The following TMEM128 variants were observed in gnomAD, a reference collection of about 807,000 sequenced individuals.
TMEM128 encodes transmembrane protein 128.
TMEM128 carries 16 observed loss-of-function variants against 19.7 expected under a neutral mutation model. The observed-to-expected ratio is 0.81, with a 90% CI of 0.55 to 1.23. TMEM128 has a LOEUF of 1.23. Ranked by LOEUF, TMEM128 falls within the 50% of genes most tolerant of loss-of-function variation. The pLI, the probability that TMEM128 is intolerant of heterozygous loss-of-function variation, is 0.00. For synonymous variants in TMEM128, 98 were observed against 75.8 expected, an observed-to-expected ratio of 1.29 and a Z score of -1.52; for missense variants, 237 against 200.8, an observed-to-expected ratio of 1.18 and a Z score of -1.09.
At chr4:4,246,112 G>T in intron 2 of TMEM128, 90 bp downstream of exon 2, 1 of 1,360,008 alleles carries the variant, frequency 7.4e-7, no homozygotes, top group Non-Finnish European at 1.0e-6. Context: ...GAGAGTAGTA[G>T]GTGCTTACTG....
At chr4:4,241,730 A>G (rs1238445176) in intron 2 of TMEM128, among the ~76,000 whole-genome samples, 1 of 152,188 alleles carries the variant, frequency 6.6e-6, no homozygotes, top group African/African-American at 2.4e-5. Flanking sequence ...TCTTAACTTG[A>G]GCAAGACTAG....
chr4:4,242,570 G>A (rs550620196), intron 2 of TMEM128, among the ~76,000 whole-genome samples: 33 of 151,872 alleles, frequency 2.2e-4, no homozygotes, highest in African/African-American at 7.7e-4. Context: ...CCAGGCTGGA[G>A]TGCAATGGCA....
At chr4:4,240,289 C>A in intron 3 of TMEM128, 32 bp downstream of exon 3, 1 of 1,605,456 alleles carries the variant, frequency 6.2e-7, no homozygotes, top group South Asian at 1.1e-5. Context: ...ATTTGTTGTT[C>A]ATTCCTGTTA....
chr4:4,248,063 C>G (rs540674629), intron 1 of TMEM128, 43 bp downstream of exon 1: 4 of 1,532,594 alleles, frequency 2.6e-6, no homozygotes, highest in South Asian at 2.4e-5. Flanking sequence ...TTTTCCGACG[C>G]CTCGCCTCTG....
chr4:4,246,447 CT>C lies in TMEM128; in HGVS notation c.98-105del, dbSNP rs369056716. The C allele has an allele frequency of 3.0e-4, 358 of 1,177,570 alleles. 5 individuals carry two copies. The East Asian group carries it at 7.8e-3, about 26-fold the overall frequency. 72.9% of individuals were successfully genotyped at this position (1,177,570 alleles called of 1,614,324 possible). On this transcript the variant is annotated intron_variant, in intron 1 of 4. Transcript: ENST00000382753. ...ATTTCCTAGAGCTAAGAAACAGTCT[CT>C]CCCATGATAACAAATCCTTCTGTAA...
intron 2 of TMEM128, among the ~76,000 whole-genome samples, chr4:4,242,584 T>A (rs1718007005): frequency 6.6e-6 from 1 of 151,952 alleles, no homozygotes; most frequent in Non-Finnish European, 1.5e-5. Flanking sequence ...AATGGCACGA[T>A]CTCGGCTCAC....
intron 3 of TMEM128, among the ~76,000 whole-genome samples, chr4:4,239,635 T>C (rs1281945148): frequency 6.6e-6 from 1 of 152,118 alleles, no homozygotes; most frequent in Admixed American, 6.5e-5. Flanking sequence ...TCCTTCATAG[T>C]AACCCCAAAC....
At chr4:4,247,550 G>C in intron 1 of TMEM128, 1 of 1,613,688 alleles carries the variant, frequency 6.2e-7, no homozygotes, top group Non-Finnish European at 8.5e-7. Flanking sequence ...AATTTCTACT[G>C]AATTCTTCCA....
At chr4:4,246,178 TACA>T in intron 2 of TMEM128, 21 bp downstream of exon 2, 3 of 1,575,364 alleles carry the variant, frequency 1.9e-6, no homozygotes, top group Non-Finnish European at 1.7e-6. Flanking sequence ...GGGTTTAATT[TACA>T]AAGCAATAAA....
At chr4:4,247,856 C>T (rs767459883) in intron 1 of TMEM128, 9 of 1,429,922 alleles carry the variant, frequency 6.3e-6, no homozygotes, top group African/African-American at 1.4e-5. Flanking sequence ...AGACTTAAAA[C>T]TGGTGGGTAT....
chr4:4,245,761 TAC>T (rs200731414), intron 2 of TMEM128, among the ~76,000 whole-genome samples: 2,005 of 152,090 alleles, frequency 0.013, 22 homozygotes, highest in Non-Finnish European at 0.021. Context: ...GATATATATA[TAC>T]ACACACACAT....
Position 4,243,507 on chromosome 4 carries a change from G to A in TMEM128, c.239+2695C>T, listed in dbSNP as rs181085663. ...AAATCACCTCAGGCGTCAGAAGAAC[G>A]AGCCATTTTAGCCATTTTCCAAAAG... On this transcript the variant is annotated intron_variant, in intron 2 of 4. Coordinates refer to ENST00000382753, the MANE Select transcript of TMEM128 (RefSeq NM_001297551.2). Among the ~76,000 whole-genome samples the A allele has an allele frequency of 4.3e-4, 65 of 152,278 alleles. 1 individual carries two copies. The highest frequency in any genetic ancestry group is 8.4e-4 in the Non-Finnish European group (57 of 68,024).
Position 4,240,497 on chromosome 4 carries a change from G to GT in TMEM128, c.240-19dup, listed in dbSNP as rs368502996. ...GAAACCAGCTGTGGAGATAAAAACA[G>GT]TAAGAGGTCTGACAGCACTTAATGA... is the stretch of plus-strand genomic sequence containing the variant. On this transcript the variant is annotated intron_variant, in intron 2 of 4. Transcript: ENST00000382753. 3.0e-4 allele frequency: 475 copies of GT among 1,608,082 alleles called. 1 individual carries two copies. In the African/African-American group the frequency reaches 5.7e-3, roughly 19 times the overall value.
At chr4:4,243,841 T>C (rs1378591625) in intron 2 of TMEM128, among the ~76,000 whole-genome samples, 2 of 152,182 alleles carry the variant, frequency 1.3e-5, no homozygotes, top group Non-Finnish European at 2.9e-5. Context: ...TTATGTGTGA[T>C]CATTTCTTAC....
In TMEM128 at chr4:4,235,761, T is replaced by C. The variant is rs1717694390; in HGVS notation, c.*505A>G. 6.6e-6 allele frequency: 1 copy of C among 152,638 alleles called. No homozygotes were observed. Among genetic ancestry groups the C allele is most frequent in the Non-Finnish European group, 1.5e-5 (1 of 68,048 alleles). The allele number at this position is 152,638 out of a possible 1,614,324, so 9.5% of individuals were successfully genotyped here. On this transcript the variant is annotated 3_prime_UTR_variant, in exon 5 of 5. Transcript: ENST00000382753. ...ATTACTAAAGCTGGTTAAAGGCACA[T>C]GACAACATAATTCCTTTATACACAT...
chr4:4,237,539 A>T (rs1717769402), intron 4 of TMEM128, among the ~76,000 whole-genome samples: 1 of 152,138 alleles, frequency 6.6e-6, no homozygotes, highest in Non-Finnish European at 1.5e-5. Context: ...CTACTTGGGA[A>T]ACTGAGGTGG....
intron 2 of TMEM128, among the ~76,000 whole-genome samples, chr4:4,245,333 G>A (rs773296502): frequency 7.8e-4 from 119 of 152,082 alleles, no homozygotes; most frequent in Non-Finnish European, 4.0e-4. Context: ...CTGGACATCT[G>A]GTCTGGCCAC....
At chr4:4,237,607 G>A (rs1303959874) in intron 4 of TMEM128, among the ~76,000 whole-genome samples, 3 of 152,140 alleles carry the variant, frequency 2.0e-5, no homozygotes, top group Non-Finnish European at 2.9e-5. Flanking sequence ...TCATGCCACC[G>A]TACTCCAGCC....
chr4:4,243,896 C>CA (rs1234854690), intron 2 of TMEM128, among the ~76,000 whole-genome samples: 1 of 152,138 alleles, frequency 6.6e-6, no homozygotes, highest in East Asian at 1.9e-4. Context: ...TATAAGGACA[C>CA]AAATACAGAA....
Sources: allele counts gnomAD v4.1 joint callset (sites outside exome capture counted in the v4.1 genomes callset), GRCh38; gene constraint gnomAD v4.1.1; transcripts MANE v1.5; gene names NCBI Gene and HGNC (gene_info 2026-07-23, HGNC 2026-07-21).